Variants in ADD3 observed in about 807,000 individuals in gnomAD.
ADD3 encodes gamma-adducin.
Under a neutral mutation model 80.2 loss-of-function variants are expected in ADD3, and 25 were observed. The observed-to-expected ratio is 0.31, with a 90% CI of 0.23 to 0.44. The LOEUF (loss-of-function observed/expected upper bound fraction) is 0.44. ADD3 is among the 20% of genes least tolerant of loss of function. ADD3 has a pLI of 1.00. For missense variants in ADD3, 829 were observed against 847.5 expected, an observed-to-expected ratio of 0.98 and a Z score of 0.27; for synonymous variants, 284 against 289.6, an observed-to-expected ratio of 0.98 and a Z score of 0.20.
chr10:110,072,366 C>T (rs1302174270), intron 1 of ADD3, among the ~76,000 whole-genome samples: 2 of 152,118 alleles, frequency 1.3e-5, no homozygotes, highest in East Asian at 3.9e-4. Context: ...TGCCCGGCCA[C>T]CATGTATAAT....
chr10:110,098,581 T>G (rs193068110), intron 1 of ADD3, among the ~76,000 whole-genome samples: 2 of 152,286 alleles, frequency 1.3e-5, no homozygotes, highest in Admixed American at 6.5e-5. Context: ...CTAAAGTTCT[T>G]TTAACACCCA....
At chr10:110,019,648 C>T (rs1307596040) in intron 1 of ADD3, among the ~76,000 whole-genome samples, 1 of 152,246 alleles carries the variant, frequency 6.6e-6, no homozygotes, top group East Asian at 1.9e-4. Context: ...GCCACTGTGC[C>T]TGGCTAGTTT....
chr10:110,065,603 G>C (rs187927834), intron 1 of ADD3, among the ~76,000 whole-genome samples: 2 of 128,698 alleles, frequency 1.6e-5, no homozygotes, highest in African/African-American at 5.7e-5. Context: ...ACAGTGGCTC[G>C]ATCTTGGCTC....
At chr10:110,107,067 C>T (rs527681990) in intron 2 of ADD3, among the ~76,000 whole-genome samples, 6 of 151,998 alleles carry the variant, frequency 3.9e-5, no homozygotes, top group Non-Finnish European at 8.8e-5. Flanking sequence ...TGAAAAGAAA[C>T]TCTTAACTTA....
At chr10:110,073,918 C>T (rs1235096930) in intron 1 of ADD3, among the ~76,000 whole-genome samples, 5 of 146,088 alleles carry the variant, frequency 3.4e-5, no homozygotes, top group Non-Finnish European at 1.5e-5. Flanking sequence ...TTAGACAGAC[C>T]TTTTTTTTTT....
intron 1 of ADD3, among the ~76,000 whole-genome samples, chr10:109,999,433 A>C (rs1371856892): frequency 6.6e-6 from 1 of 151,744 alleles, no homozygotes; most frequent in Non-Finnish European, 1.5e-5. Context: ...TGCTCTTCCC[A>C]CTCACAGACA....
At chr10:110,078,671 A>G (rs1394315417) in intron 1 of ADD3, among the ~76,000 whole-genome samples, 1 of 152,102 alleles carries the variant, frequency 6.6e-6, no homozygotes, top group Non-Finnish European at 1.5e-5. Context: ...TTTTCAGTAT[A>G]TTTTGCATCA....
intron 1 of ADD3, among the ~76,000 whole-genome samples, chr10:110,078,718 T>G (rs951692300): frequency 8.9e-4 from 135 of 152,296 alleles, no homozygotes; most frequent in African/African-American, 3.1e-3. Context: ...ACTTTACATC[T>G]CTGAAATAAA....
At chr10:110,097,992 G>T (rs750395413) in intron 1 of ADD3, among the ~76,000 whole-genome samples, 10 of 152,058 alleles carry the variant, frequency 6.6e-5, no homozygotes, top group Non-Finnish European at 1.2e-4. Flanking sequence ...GGCCAGGATG[G>T]TCTCGATCTC....
At chr10:110,037,110 CA>C (rs1354712950) in intron 1 of ADD3, among the ~76,000 whole-genome samples, 2 of 152,184 alleles carry the variant, frequency 1.3e-5, no homozygotes, top group East Asian at 3.8e-4. Context: ...CCATAGACCT[CA>C]GAGGTTTTCT....
chr10:110,012,429 C>G (rs1318375969), intron 1 of ADD3, among the ~76,000 whole-genome samples: 4 of 152,228 alleles, frequency 2.6e-5, no homozygotes, highest in African/African-American at 9.6e-5. Flanking sequence ...TTTCCTTAAA[C>G]TGTTTTTGGT....
At chr10:110,090,313 G>A (rs1461982378) in intron 1 of ADD3, among the ~76,000 whole-genome samples, 2 of 145,096 alleles carry the variant, frequency 1.4e-5, no homozygotes, top group African/African-American at 2.6e-5. Flanking sequence ...TTCACCTCCC[G>A]GGTTCAAGCG....
chr10:110,004,701 G>A (rs532846586), upstream of ADD3, among the ~76,000 whole-genome samples: 4 of 152,102 alleles, frequency 2.6e-5, no homozygotes, highest in South Asian at 6.2e-4. Context: ...GATCACACAG[G>A]TACATCATTA....
chr10:110,020,525 G>A (rs916914187), intron 1 of ADD3, among the ~76,000 whole-genome samples: 1 of 151,610 alleles, frequency 6.6e-6, no homozygotes, highest in African/African-American at 2.4e-5. Flanking sequence ...CAAAGGCCCC[G>A]AGGCCCAAGC....
At chr10:110,029,386 A>G (rs1376815325) in intron 1 of ADD3, among the ~76,000 whole-genome samples, 5 of 152,244 alleles carry the variant, frequency 3.3e-5, no homozygotes, top group Admixed American at 2.6e-4. Flanking sequence ...TGCAAATGGC[A>G]TATTGTTCTT....
intron 1 of ADD3, among the ~76,000 whole-genome samples, chr10:110,099,590 A>G (rs1209360706): frequency 6.6e-6 from 1 of 152,206 alleles, no homozygotes; most frequent in African/African-American, 2.4e-5. Flanking sequence ...TATCTCAGTT[A>G]TGTATCTTAT....
At chr10:110,121,438 G>A (rs1007595362) in intron 8 of ADD3, among the ~76,000 whole-genome samples, 5 of 152,252 alleles carry the variant, frequency 3.3e-5, no homozygotes, top group East Asian at 3.9e-4. Context: ...AGCCGATATC[G>A]TGCCATTGCA....
rs1281771069 is a variant in ADD3 at position 110,119,333 on chromosome 10, G to A, written c.840G>A (p.Lys280=). ...EEQEERIQLQ[K]VLGPSCKVLV... ...AGGAGGAGAGAATTCAACTGCAGAA[G>A]GTTCTGGGACCAAGTTGTAAGGTAT... Residue 280 remains lysine (K), a synonymous_variant, in exon 7 of 15, where the codon AAG becomes AAA. Coordinates refer to ENST00000356080, the MANE Select transcript of ADD3 (RefSeq NM_016824.5). 11 of 1,614,102 alleles carry A rather than the reference G, an allele frequency of 6.8e-6. No homozygotes were observed. The highest frequency in any genetic ancestry group is 9.3e-6 in the Non-Finnish European group (11 of 1,179,988).
At chr10:110,044,347 C>T (rs920785162) in intron 1 of ADD3, among the ~76,000 whole-genome samples, 1 of 152,124 alleles carries the variant, frequency 6.6e-6, no homozygotes, top group Non-Finnish European at 1.5e-5. Flanking sequence ...CCTATTAGAC[C>T]ATTGGCTCCT....
Sources: gnomAD v4.1 joint callset for allele counts (sites outside exome capture counted in the v4.1 genomes callset) on GRCh38, gnomAD v4.1.1 for gene constraint, MANE v1.5 for transcripts, NCBI Gene and HGNC (gene_info 2026-07-23, HGNC 2026-07-21) for gene names.